Variants in EPS8 observed in about 807,000 individuals in gnomAD.
EPS8 encodes EGFR pathway substrate 8, signaling adaptor.
A neutral mutation model predicts 103.8 loss-of-function variants in EPS8; 42 were observed. That is an observed-to-expected ratio of 0.40 (90% CI 0.32 to 0.52). EPS8 has a LOEUF of 0.52. EPS8 is among the 20% of genes least tolerant of loss of function. The pLI is 0.40. For synonymous variants in EPS8, 344 were observed against 344.6 expected (o/e 1.00, Z 0.02); for missense variants, 969 against 1,005.1 (o/e 0.96, Z 0.49).
chr12:15,633,094 T>A (rs116550840), intron 17 of EPS8, among the ~76,000 whole-genome samples: 1 of 152,228 alleles, frequency 6.6e-6, no homozygotes, highest in South Asian at 2.1e-4. Flanking sequence ...GAGAAGGAGT[T>A]AGGTGGGACA....
Position 15,736,863 on chromosome 12 carries a change from A to T in EPS8, c.-22+52298T>A, listed in dbSNP as rs1946771857. ...CAATAAACAGTACGCATGATGATGA[A>T]TTTACATTATGCTTATGAAGGATGG... is the stretch of plus-strand genomic sequence containing the variant. On this transcript the variant is annotated intron_variant, in intron 1 of 20. Transcript: ENST00000281172. This position sits in a 1 kb window ranked among gnomAD's most constrained non-coding sequence, Gnocchi z 4.2. Among the ~76,000 whole-genome samples, 1 of 152,174 alleles carries T rather than the reference A, an allele frequency of 6.6e-6. No individual in the cohort carries two copies. The highest frequency in any genetic ancestry group is 1.5e-5 in the Non-Finnish European group (1 of 68,024).
Position 15,761,250 on chromosome 12 carries a change from T to C in EPS8, c.-22+27911A>G, listed in dbSNP as rs1199984733. Among the ~76,000 whole-genome samples the C allele has an allele frequency of 1.3e-5, 2 of 152,072 alleles. No homozygotes were observed. Among genetic ancestry groups the C allele is most frequent in the East Asian group, 3.9e-4 (2 of 5,178 alleles). On this transcript the variant is annotated intron_variant, in intron 1 of 20. Transcript: ENST00000281172. The surrounding 1 kb of genome is among the most constrained non-coding windows in gnomAD (Gnocchi z 4.5). The stretch of plus-strand genomic sequence containing the variant: ...CTAAAGAAGTGAAGAATCTCTATCA[T>C]GAAAACTATAAAACACTGATGAAAG...
rs1440588408 is a variant in EPS8 at position 15,688,835 on chromosome 12, AT to A, written c.-21-5864del. On this transcript the variant is annotated intron_variant, in intron 1 of 20. Coordinates refer to ENST00000281172, the MANE Select transcript of EPS8 (RefSeq NM_004447.6). The surrounding 1 kb of genome is among the most constrained non-coding windows in gnomAD (Gnocchi z 5.1). The stretch of plus-strand genomic sequence containing the variant: ...TCCTTGCAATAAGGTAGAGGATCTA[AT>A]TGAGCTGGTTAACACAAGCTGTCTA... Among the ~76,000 whole-genome samples, 1 of 152,224 alleles carries A rather than the reference AT, an allele frequency of 6.6e-6. No individual in the cohort carries two copies. Among genetic ancestry groups the A allele is most frequent in the East Asian group, 1.9e-4 (1 of 5,200 alleles).
chr12:15,674,062 C>A (rs542477726), intron 3 of EPS8, among the ~76,000 whole-genome samples: 2 of 152,268 alleles, frequency 1.3e-5, no homozygotes, highest in South Asian at 4.1e-4. Flanking sequence ...ATTCAACTCC[C>A]AGATCAGAAA....
In EPS8 at chr12:15,621,449, A is replaced by G; in HGVS notation, c.2356-19T>C. The G allele has an allele frequency of 7.1e-7, 1 of 1,402,998 alleles. No homozygotes were observed. The highest frequency in any genetic ancestry group is 2.4e-5 in the East Asian group (1 of 42,164). The allele number at this position is 1,402,998 out of a possible 1,614,324, so 86.9% of individuals were successfully genotyped here. A position where few individuals can be genotyped will look rare whatever the true frequency, so the allele number is the denominator to read the frequency against. The stretch of plus-strand genomic sequence containing the variant: ...TGCTATCCTGAAAGATAAACAGTTC[A>G]GACAAGATAGTTACTGACTTGTGCA... On this transcript the variant is annotated intron_variant, in intron 20 of 20. Coordinates refer to ENST00000281172, the MANE Select transcript of EPS8 (RefSeq NM_004447.6).
chr12:15,753,258 C>CA (rs1946952013), intron 1 of EPS8, among the ~76,000 whole-genome samples: 1 of 151,892 alleles, frequency 6.6e-6, no homozygotes, highest in South Asian at 2.1e-4. Context: ...TTAATAAAGC[C>CA]AAAATTAAGT....
At chr12:15,634,843 C>T (rs996512970) in intron 17 of EPS8, 7 of 397,596 alleles carry the variant, frequency 1.8e-5, no homozygotes, top group East Asian at 3.6e-5. Context: ...AATTATAATT[C>T]ACATCAAATA....
At chr12:15,639,762 A>ATT (rs1423395561) in intron 17 of EPS8, among the ~76,000 whole-genome samples, 2 of 152,138 alleles carry the variant, frequency 1.3e-5, no homozygotes, top group Admixed American at 6.6e-5. Context: ...GACAATCTGT[A>ATT]TTTTTTTAAG....
chr12:15,767,702 A>G lies in EPS8; in HGVS notation c.-22+21459T>C, dbSNP rs2136039063. ...AGATATGTCTTCTTCTCTGCTAAAC[A>G]TGGTTGTTAGAATAAGGAAATTGAA... On this transcript the variant is annotated intron_variant, in intron 1 of 20. Coordinates refer to ENST00000281172, the MANE Select transcript of EPS8 (RefSeq NM_004447.6). The surrounding 1 kb of genome is among the most constrained non-coding windows in gnomAD (Gnocchi z 5.5). 6.6e-6 allele frequency among the ~76,000 whole-genome samples: 1 copy of G among 152,332 alleles called. No individual in the cohort carries two copies. The highest frequency in any genetic ancestry group is 2.4e-5 in the African/African-American group (1 of 41,568).
In EPS8 at chr12:15,727,610, A is replaced by C. The variant is rs1946667095; in HGVS notation, c.-21-44638T>G. Among the ~76,000 whole-genome samples the C allele has an allele frequency of 1.3e-5, 2 of 152,240 alleles. No homozygotes were observed. Among genetic ancestry groups the C allele is most frequent in the Admixed American group, 6.5e-5 (1 of 15,282 alleles). On this transcript the variant is annotated intron_variant, in intron 1 of 20. Coordinates refer to ENST00000281172, the MANE Select transcript of EPS8 (RefSeq NM_004447.6). This position sits in a 1 kb window ranked among gnomAD's most constrained non-coding sequence, Gnocchi z 4.3. ...CACAGTGGCTCACGCCTGTAATTCC[A>C]GCACCTTGGGAGGCCGAGGTGGGCG...
chr12:15,785,297 T>A lies in EPS8; in HGVS notation c.-22+3864A>T, dbSNP rs1481073658. 6.6e-6 allele frequency among the ~76,000 whole-genome samples: 1 copy of A among 152,082 alleles called. No individual in the cohort carries two copies. The highest frequency in any genetic ancestry group is 2.4e-5 in the African/African-American group (1 of 41,436). ...GACTAAAAGCAAAAGGAATAGTACA[T>A]AAACACTGTACTCTTGATGCTAAAG... On this transcript the variant is annotated intron_variant, in intron 1 of 20. Transcript: ENST00000281172. The surrounding 1 kb of genome is among the most constrained non-coding windows in gnomAD (Gnocchi z 4.9).
Position 15,745,039 on chromosome 12 carries a change from T to A in EPS8, c.-22+44122A>T, listed in dbSNP as rs1453557246. 6.6e-6 allele frequency among the ~76,000 whole-genome samples: 1 copy of A among 152,164 alleles called. No individual in the cohort carries two copies. The highest frequency in any genetic ancestry group is 1.5e-5 in the Non-Finnish European group (1 of 68,036). Reference sequence around the variant, plus strand: ...CCACCACGCCCAGCTAATTTTTGTATTTTTAGTAGAGATGGGTTTCACCAC... The same window carrying A: ...CCACCACGCCCAGCTAATTTTTGTAATTTTAGTAGAGATGGGTTTCACCAC... On this transcript the variant is annotated intron_variant, in intron 1 of 20. Coordinates refer to ENST00000281172, the MANE Select transcript of EPS8 (RefSeq NM_004447.6). This position sits in a 1 kb window ranked among gnomAD's most constrained non-coding sequence, Gnocchi z 4.6.
intron 1 of EPS8, among the ~76,000 whole-genome samples, chr12:15,715,343 T>C (rs1330060725): frequency 6.7e-6 from 1 of 149,504 alleles, no homozygotes; most frequent in Non-Finnish European, 1.5e-5. Flanking sequence ...CTTCCCTTCG[T>C]CCACAGGGGC....
chr12:15,740,455 G>A (rs1946808778), intron 1 of EPS8, among the ~76,000 whole-genome samples: 1 of 152,058 alleles, frequency 6.6e-6, no homozygotes, highest in African/African-American at 2.4e-5. Flanking sequence ...CAAGGCAGGA[G>A]AACTGCTAGA....
intron 1 of EPS8, among the ~76,000 whole-genome samples, chr12:15,711,830 T>C (rs956644714): frequency 6.6e-6 from 1 of 152,174 alleles, no homozygotes; most frequent in Non-Finnish European, 1.5e-5. Flanking sequence ...CATCCAAGAA[T>C]GTATTTCAAA....
Position 15,640,710 on chromosome 12 carries a change from G to A in EPS8, c.1814C>T (p.Thr605Ile). ...CTAAGAAATCATGCTCACCTGTATAGTATGAGTATAAGGTGGATCAGCACG... is the reference window on the plus strand; with the variant it reads ...CTAAGAAATCATGCTCACCTGTATAATATGAGTATAAGGTGGATCAGCACG... ...LGRADPPYTH[T>I]IQKQRMEYGP... The change falls in exon 17 of 21, where the codon ACT becomes ATT. Residue 605 changes from threonine (T) to isoleucine (I), a missense_variant. By Grantham distance (89) the Thr-to-Ile change is moderately conservative. Coordinates refer to ENST00000281172, the MANE Select transcript of EPS8 (RefSeq NM_004447.6). The A allele has an allele frequency of 6.2e-7, 1 of 1,613,638 alleles. No individual in the cohort carries two copies. Among genetic ancestry groups the A allele is most frequent in the Non-Finnish European group, 8.5e-7 (1 of 1,179,582 alleles).
In EPS8 at chr12:15,670,872, GAT is replaced by G; in HGVS notation, c.186_187del (p.Gln64IlefsTer4). On this transcript the variant is annotated frameshift_variant, in exon 4 of 21. Transcript: ENST00000281172. LOFTEE classifies it high-confidence loss of function. Reference sequence around the variant, plus strand: ...GCATCTTACTTCAACACGGTATTGAGATATATCTGACACACTGCTGACACTGT... The same window carrying G: ...GCATCTTACTTCAACACGGTATTGAGATATCTGACACACTGCTGACACTGT... 6.2e-7 allele frequency: 1 copy of G among 1,610,676 alleles called. No individual in the cohort carries two copies. Among genetic ancestry groups the G allele is most frequent in the Non-Finnish European group, 8.5e-7 (1 of 1,177,396 alleles).
At position 15,686,573 on chromosome 12, in the gene EPS8, G is replaced by A. The variant is rs181838384; in HGVS notation, c.-21-3601C>T. Among the ~76,000 whole-genome samples, 648 of 152,060 alleles carry A rather than the reference G, an allele frequency of 4.3e-3. 1 individual carries two copies. Among genetic ancestry groups the A allele is most frequent in the Middle Eastern group, 0.01 (3 of 294 alleles). The stretch of plus-strand genomic sequence containing the variant: ...GATAAATTTAAGATCTAAGTTAAGC[G>A]AATGAAAAATGTAACACACTATAAT... On this transcript the variant is annotated intron_variant, in intron 1 of 20. Transcript: ENST00000281172.
At chr12:15,654,505 A>G (rs1945473714) in intron 12 of EPS8, 6 of 566,332 alleles carry the variant, frequency 1.1e-5, no homozygotes, top group South Asian at 6.4e-5. Context: ...AAAGTTAACA[A>G]TTTAACAACT....
Sources: allele counts gnomAD v4.1 joint callset (sites outside exome capture counted in the v4.1 genomes callset), GRCh38; gene constraint gnomAD v4.1.1; non-coding constraint Gnocchi (gnomAD v3.1); transcripts MANE v1.5; gene names NCBI Gene and HGNC (gene_info 2026-07-23, HGNC 2026-07-21).